CTTNBP2: variants seen among roughly 807,000 people sequenced by gnomAD.
CTTNBP2 encodes cortactin-binding protein 2.
A neutral mutation model predicts 156.9 loss-of-function variants in CTTNBP2; 108 were observed. The ratio of observed to expected loss-of-function variants is 0.69; its 90% CI spans 0.59 to 0.81. The LOEUF (loss-of-function observed/expected upper bound fraction) is 0.81. Among genes scored for constraint, CTTNBP2 ranks in the 30% least tolerant of loss-of-function variants. The probability of loss-of-function intolerance (pLI) is 0.00; values close to 1 mark genes in which losing one functional copy is unlikely to be tolerated. For missense variants in CTTNBP2, 1,924 were observed against 2,035.4 expected (o/e 0.95, Z 1.05); for synonymous variants, 767 against 751.8 (o/e 1.02, Z -0.33).
chr7:117,864,841 T>A (rs903427926), intron 1 of CTTNBP2, among the ~76,000 whole-genome samples: 20 of 119,924 alleles, frequency 1.7e-4, no homozygotes, highest in Non-Finnish European at 3.4e-4. Flanking sequence ...TATATATTCA[T>A]TCTATATTCA....
chr7:117,720,120 C>T (rs1201267939), intron 20 of CTTNBP2, among the ~76,000 whole-genome samples: 2 of 152,148 alleles, frequency 1.3e-5, no homozygotes, highest in Non-Finnish European at 2.9e-5. Flanking sequence ...CAGGCTGTTG[C>T]AGGTCATGGA....
At chr7:117,785,271 A>C (rs746533241) in intron 4 of CTTNBP2, among the ~76,000 whole-genome samples, 1 of 152,198 alleles carries the variant, frequency 6.6e-6, no homozygotes, top group Non-Finnish European at 1.5e-5. Context: ...TTTAGAAGAG[A>C]GTCTGTTAAG....
chr7:117,864,764 TA>T (rs1380846772), intron 1 of CTTNBP2, among the ~76,000 whole-genome samples: 10 of 142,894 alleles, frequency 7.0e-5, no homozygotes, highest in South Asian at 2.2e-4. Flanking sequence ...TATTCATATA[TA>T]TTCATTCAAT....
intron 19 of CTTNBP2, among the ~76,000 whole-genome samples, chr7:117,723,959 A>T (rs1584896969): frequency 6.6e-6 from 1 of 151,738 alleles, no homozygotes. Context: ...CGCCTTCCTG[A>T]CCTCAAGCTA....
At chr7:117,830,833 G>T (rs1024478379) in intron 2 of CTTNBP2, among the ~76,000 whole-genome samples, 3 of 152,166 alleles carry the variant, frequency 2.0e-5, no homozygotes, top group African/African-American at 7.2e-5. Flanking sequence ...AGGAAGTAAT[G>T]ATTGTTTTTG....
intron 2 of CTTNBP2, among the ~76,000 whole-genome samples, chr7:117,860,308 T>C (rs1399300774): frequency 1.3e-5 from 2 of 152,076 alleles, no homozygotes; most frequent in African/African-American, 4.8e-5. Flanking sequence ...GGAAAATTGG[T>C]GATTAGACTT....
chr7:117,724,021 T>G (rs80035620), intron 19 of CTTNBP2, among the ~76,000 whole-genome samples: 2,454 of 152,204 alleles, frequency 0.016, 78 homozygotes, highest in African/African-American at 0.057. Context: ...TGAGCCACCA[T>G]GCCTGGCCGG....
At chr7:117,851,257 GA>G (rs1802912996) in intron 2 of CTTNBP2, among the ~76,000 whole-genome samples, 1 of 151,614 alleles carries the variant, frequency 6.6e-6, no homozygotes, top group African/African-American at 2.4e-5. Context: ...AAAAAGAAAA[GA>G]AAATAGAGGG....
At chr7:117,807,675 A>G (rs1003145068) in intron 3 of CTTNBP2, among the ~76,000 whole-genome samples, 1 of 152,162 alleles carries the variant, frequency 6.6e-6, no homozygotes, top group African/African-American at 2.4e-5. Context: ...TACAAAAAAG[A>G]AGGACCTGGG....
chr7:117,861,694 G>T (rs1803765844), intron 1 of CTTNBP2, among the ~76,000 whole-genome samples: 1 of 151,984 alleles, frequency 6.6e-6, no homozygotes, highest in Non-Finnish European at 1.5e-5. Flanking sequence ...TTCCTAGAAG[G>T]GCCCCAGCAT....
chr7:117,817,360 AAATAT>A (rs1800669316), intron 2 of CTTNBP2, among the ~76,000 whole-genome samples: 2 of 98,386 alleles, frequency 2.0e-5, no homozygotes, highest in African/African-American at 8.1e-5. Flanking sequence ...AAAAAAAAAA[AAATAT>A]ATATATATAT....
At chr7:117,729,865 G>GAA (rs1795309849) in intron 16 of CTTNBP2, among the ~76,000 whole-genome samples, 2 of 152,152 alleles carry the variant, frequency 1.3e-5, no homozygotes, top group African/African-American at 4.8e-5. Context: ...ACTTCAGCTG[G>GAA]GTCTCTCACA....
At chr7:117,783,015 C>T in intron 5 of CTTNBP2, 54 bp from the exon 6 acceptor site, 1 of 1,287,820 alleles carries the variant, frequency 7.8e-7, no homozygotes, top group African/African-American at 1.5e-5. Flanking sequence ...TTATGATGTG[C>T]CAAATTCTAT....
chr7:117,718,392 G>A (rs1407390617), intron 21 of CTTNBP2, among the ~76,000 whole-genome samples: 1 of 152,148 alleles, frequency 6.6e-6, no homozygotes, highest in East Asian at 1.9e-4. Flanking sequence ...AAGGCACTTT[G>A]CAAGTAAAGA....
At chr7:117,811,799 A>C (rs1469444382) in intron 2 of CTTNBP2, among the ~76,000 whole-genome samples, 4 of 151,328 alleles carry the variant, frequency 2.6e-5, no homozygotes, top group Non-Finnish European at 5.9e-5. Context: ...ATTCTTTGTG[A>C]AATTTTTAAT....
chr7:117,768,219 C>T (rs1226343692), intron 8 of CTTNBP2, among the ~76,000 whole-genome samples: 1 of 151,992 alleles, frequency 6.6e-6, no homozygotes, highest in African/African-American at 2.4e-5. Flanking sequence ...CTTACATCCA[C>T]TTTTAAAATA....
At chr7:117,773,648 AACACACACACACACACACACACAC>A (rs71528190) in intron 8 of CTTNBP2, among the ~76,000 whole-genome samples, 32 of 95,060 alleles carry the variant, frequency 3.4e-4, no homozygotes, top group African/African-American at 9.7e-4. Context: ...GCTTAGAGTT[AACACACACACACACACACACACAC>A]ACACACACAC....
intron 4 of CTTNBP2, among the ~76,000 whole-genome samples, chr7:117,788,750 AT>A (rs1455406891): frequency 3.9e-5 from 6 of 152,156 alleles, no homozygotes; most frequent in Non-Finnish European, 8.8e-5. Flanking sequence ...TCACACTTCC[AT>A]TTCCCAGTCT....
At chr7:117,783,047 A>C in intron 5 of CTTNBP2, 86 bp from the exon 6 acceptor site, 1 of 911,000 alleles carries the variant, frequency 1.1e-6, no homozygotes, top group Non-Finnish European at 1.8e-6. Flanking sequence ...ATAGATTCTA[A>C]TCCCAAAGGG....
Sources: gnomAD v4.1 joint callset for allele counts (sites outside exome capture counted in the v4.1 genomes callset) on GRCh38, gnomAD v4.1.1 for gene constraint, MANE v1.5 for transcripts, NCBI Gene and HGNC (gene_info 2026-07-23, HGNC 2026-07-21) for gene names.